Variants in CAST observed in about 807,000 individuals in gnomAD.
CAST encodes calpastatin.
In CAST, 76 loss-of-function variants were observed where a neutral mutation model predicts 119.6. The ratio of observed to expected loss-of-function variants is 0.64; its 90% confidence interval spans 0.53 to 0.77. The LOEUF is 0.77. Among genes scored for constraint, CAST ranks in the 30% least tolerant of loss-of-function variants. The pLI is 0.00. For synonymous variants in CAST, 319 were observed against 331.6 expected, an observed-to-expected ratio of 0.96 and a Z score of 0.41; for missense variants, 953 against 946.5, an observed-to-expected ratio of 1.01 and a Z score of -0.09.
the CAST span, among the ~76,000 whole-genome samples, chr5:96,248,211 C>T: frequency 6.6e-6 from 1 of 152,156 alleles, no homozygotes; most frequent in Non-Finnish European, 1.5e-5. Flanking sequence ...CTCTTTGTCC[C>T]TCTTGGACCC....
chr5:96,228,003 C>CTGTG, the CAST span, among the ~76,000 whole-genome samples: 252 of 146,680 alleles, frequency 1.7e-3, no homozygotes, highest in African/African-American at 3.3e-3. Flanking sequence ...CTTTCTCTCT[C>CTGTG]TGTGTGTGTG....
intron 1 of CAST, among the ~76,000 whole-genome samples, chr5:96,562,766 T>C (rs1488513157): frequency 2.0e-5 from 3 of 152,196 alleles, no homozygotes; most frequent in African/African-American, 7.2e-5. Context: ...TAAATGCTTA[T>C]GATATTTTCA....
chr5:96,644,032 C>A (rs72772062), intron 1 of CAST, among the ~76,000 whole-genome samples: 25,278 of 150,600 alleles, frequency 0.17, 2,573 homozygotes, highest in East Asian at 0.38. Context: ...GGGGACAGAA[C>A]GAGGTTCCGT....
chr5:96,540,845 A>G (rs1745899347), intron 1 of CAST, among the ~76,000 whole-genome samples: 1 of 152,186 alleles, frequency 6.6e-6, no homozygotes, highest in South Asian at 2.1e-4. Flanking sequence ...TCTCATGCAT[A>G]GTATAGAGGT....
intron 15 of CAST, chr5:96,742,433 C>A: frequency 1.9e-6 from 1 of 514,094 alleles, no homozygotes; most frequent in Non-Finnish European, 3.5e-6. Context: ...CCCCAGAGAA[C>A]GCTGTTACTG....
chr5:96,119,413 TA>T, the CAST span, among the ~76,000 whole-genome samples: 1 of 152,086 alleles, frequency 6.6e-6, no homozygotes, highest in African/African-American at 2.4e-5. Context: ...CAGCTTCTTT[TA>T]AAAAATGGGA....
At chr5:96,428,445 C>T in the CAST span, among the ~76,000 whole-genome samples, 7 of 152,280 alleles carry the variant, frequency 4.6e-5, no homozygotes, top group African/African-American at 1.7e-4. Context: ...AATTACAATA[C>T]TCCCAACATA....
chr5:96,148,408 A>G, the CAST span, among the ~76,000 whole-genome samples: 4 of 152,190 alleles, frequency 2.6e-5, no homozygotes, highest in African/African-American at 9.7e-5. Flanking sequence ...TGATGCCTTC[A>G]TTATATGGCT....
intron 1 of CAST, among the ~76,000 whole-genome samples, chr5:96,554,838 C>A (rs956601226): frequency 6.6e-6 from 1 of 152,164 alleles, no homozygotes; most frequent in Non-Finnish European, 1.5e-5. Context: ...AAATGCAAAT[C>A]AAAACCACAA....
chr5:96,336,355 C>A, the CAST span, among the ~76,000 whole-genome samples: 7 of 152,132 alleles, frequency 4.6e-5, no homozygotes, highest in Admixed American at 2.6e-4. Flanking sequence ...AACATTAGAG[C>A]CTTCATGCTT....
At chr5:96,462,837 G>A in the CAST span, among the ~76,000 whole-genome samples, 1 of 152,074 alleles carries the variant, frequency 6.6e-6, no homozygotes, top group African/African-American at 2.4e-5. Context: ...CTCACTACCT[G>A]ATGGTTTTAT....
Position 96,757,518 on chromosome 5 carries a change from G to A in CAST, c.1761+24G>A, listed in dbSNP as rs27654. 546,433 of 1,611,976 alleles carry A rather than the reference G, an allele frequency of 0.34. 96,538 individuals carry two copies. The highest frequency in any genetic ancestry group is 0.56 in the East Asian group (24,966 of 44,824). ...CAGTAAGCAAACCAGTTTTCTCTGA[G>A]GATATCTTTTCCTTTTGGCCCTGAT... On this transcript the variant is annotated intron_variant, in intron 23 of 31. Transcript: ENST00000675179.
the CAST span, among the ~76,000 whole-genome samples, chr5:96,506,506 T>C: frequency 0.017 from 2,663 of 152,296 alleles, 99 homozygotes; most frequent in African/African-American, 0.061. Context: ...GAGGGTCAGA[T>C]GGATCAACAC....
chr5:96,115,786 A>G, the CAST span, among the ~76,000 whole-genome samples: 1 of 152,206 alleles, frequency 6.6e-6, no homozygotes, highest in Non-Finnish European at 1.5e-5. Context: ...TCACAGATGT[A>G]CAATGTTTAA....
At chr5:96,743,478 C>T (rs1365382451) in intron 16 of CAST, 4 of 1,132,060 alleles carry the variant, frequency 3.5e-6, no homozygotes, top group African/African-American at 1.6e-5. Flanking sequence ...GCCCGCCCCA[C>T]CTCCATCAGC....
chr5:96,509,173 T>C, the CAST span, among the ~76,000 whole-genome samples: 1 of 152,214 alleles, frequency 6.6e-6, no homozygotes, highest in Admixed American at 6.5e-5. Context: ...TCACACATCG[T>C]GCAAAAGAGA....
At chr5:96,247,629 G>A in the CAST span, 11 of 152,168 alleles carry the variant, frequency 7.2e-5, no homozygotes, top group Non-Finnish European at 1.6e-4. Flanking sequence ...AGCAATACTG[G>A]GTCCTGAGTT....
chr5:96,483,044 A>G, the CAST span, among the ~76,000 whole-genome samples: 1 of 152,306 alleles, frequency 6.6e-6, no homozygotes, highest in African/African-American at 2.4e-5. Flanking sequence ...TAAGTTTTCT[A>G]TATTATACAT....
the CAST span, among the ~76,000 whole-genome samples, chr5:96,358,316 G>A: frequency 1.3e-5 from 2 of 151,924 alleles, no homozygotes; most frequent in Non-Finnish European, 2.9e-5. Context: ...AGGGTTTTTC[G>A]AGTCTCTATC....
Sources: allele counts gnomAD v4.1 joint callset (sites outside exome capture counted in the v4.1 genomes callset), GRCh38; gene constraint gnomAD v4.1.1; transcripts MANE v1.5; gene names NCBI Gene and HGNC (gene_info 2026-07-23, HGNC 2026-07-21).